PCSK2: variants seen among roughly 807,000 people sequenced by gnomAD.
PCSK2 encodes proprotein convertase subtilisin/kexin type 2.
In PCSK2, 14 loss-of-function variants were observed where a neutral mutation model predicts 69.7. The ratio of observed to expected loss-of-function variants is 0.20; its 90% confidence interval spans 0.13 to 0.31. The LOEUF (loss-of-function observed/expected upper bound fraction) is 0.31. Ranked by LOEUF, PCSK2 falls within the 10% of genes least tolerant of loss-of-function variation. The probability of loss-of-function intolerance (pLI) is 1.00; values close to 1 mark genes in which losing one functional copy is unlikely to be tolerated. For missense variants in PCSK2, 544 were observed against 842.5 expected (o/e 0.65, Z 4.39); for synonymous variants, 307 against 320.7 (o/e 0.96, Z 0.46).
At chr20:17,471,230 G>A (rs945371459) in intron 11 of PCSK2, among the ~76,000 whole-genome samples, 1 of 152,164 alleles carries the variant, frequency 6.6e-6, no homozygotes, top group African/African-American at 2.4e-5. Context: ...CATACATGTG[G>A]AATTTAAGGC....
Position 17,465,459 on chromosome 20 carries a change from G to A in PCSK2, c.1336G>A (p.Val446Ile), listed in dbSNP as rs1208716767. Residue 446 changes from valine (V) to isoleucine (I), a missense_variant, in exon 11 of 12, where the codon GTC (valine) becomes ATC (isoleucine). Coordinates refer to ENST00000262545, the MANE Select transcript of PCSK2 (RefSeq NM_002594.5). ...LEFNHLFGYG[V>I]LDAGAMVKMA... is the part of the protein sequence containing the mutation. ...ATTTAATCACCTCTTTGGCTACGGG[G>A]TCCTTGATGCAGGTGCCATGGTGAA... 5.0e-6 allele frequency: 8 copies of A among 1,614,014 alleles called. No individual in the cohort carries two copies. Among genetic ancestry groups the A allele is most frequent in the African/African-American group, 1.3e-5 (1 of 74,910 alleles).
intron 4 of PCSK2, 98 bp downstream of exon 4, chr20:17,360,738 G>A: frequency 2.8e-6 from 2 of 711,362 alleles, no homozygotes; most frequent in Non-Finnish European, 5.0e-6. Context: ...AACCAGAGAT[G>A]GAACAGCAAG....
intron 6 of PCSK2, among the ~76,000 whole-genome samples, chr20:17,421,266 T>C (rs898823689): frequency 6.4e-4 from 98 of 152,272 alleles, no homozygotes; most frequent in African/African-American, 2.3e-3. Flanking sequence ...TCTGCTCACT[T>C]CTCCAGAAAG....
intron 2 of PCSK2, among the ~76,000 whole-genome samples, chr20:17,306,868 G>A (rs1446187533): frequency 6.6e-6 from 1 of 152,146 alleles, no homozygotes; most frequent in East Asian, 1.9e-4. Flanking sequence ...TTAGGGGAAA[G>A]TTTCTCTTGA....
At position 17,422,088 on chromosome 20, in the gene PCSK2, T is replaced by C. The variant is rs138408692; in HGVS notation, c.621-7347T>C. On this transcript the variant is annotated intron_variant, in intron 6 of 11. Transcript: ENST00000262545. ...GGAAACATAGGCAAAAACAAAAGCATGGACATGAAAAGAACCAATTGCAGC... is the reference window on the plus strand; with the variant it reads ...GGAAACATAGGCAAAAACAAAAGCACGGACATGAAAAGAACCAATTGCAGC... Among the ~76,000 whole-genome samples, 75 of 152,174 alleles carry C rather than the reference T, an allele frequency of 4.9e-4. No homozygotes were observed. In the East Asian group the frequency reaches 0.013, roughly 26 times the overall value.
chr20:17,472,664 T>C (rs1000576660), intron 11 of PCSK2, among the ~76,000 whole-genome samples: 1 of 152,168 alleles, frequency 6.6e-6, no homozygotes, highest in East Asian at 1.9e-4. Flanking sequence ...CTGCCCAGGT[T>C]CAAGCAATTC....
intron 2 of PCSK2, among the ~76,000 whole-genome samples, chr20:17,273,941 G>C (rs1987959848): frequency 6.6e-6 from 1 of 152,106 alleles, no homozygotes; most frequent in South Asian, 2.1e-4. Flanking sequence ...CTACCCACTT[G>C]TAAATGCCTC....
intron 2 of PCSK2, among the ~76,000 whole-genome samples, chr20:17,357,361 C>G (rs908175890): frequency 1.3e-5 from 2 of 152,212 alleles, no homozygotes; most frequent in African/African-American, 4.8e-5. Flanking sequence ...TTTGTTGGCT[C>G]TCCATGCTGG....
At chr20:17,469,244 A>G (rs1232439237) in intron 11 of PCSK2, among the ~76,000 whole-genome samples, 1 of 152,238 alleles carries the variant, frequency 6.6e-6, no homozygotes, top group Admixed American at 6.5e-5. Flanking sequence ...TGTAAATGTG[A>G]GACTGGAAGT....
chr20:17,416,627 A>T (rs978636458), intron 6 of PCSK2, among the ~76,000 whole-genome samples: 3 of 151,888 alleles, frequency 2.0e-5, no homozygotes, highest in African/African-American at 7.2e-5. Context: ...TTCCTCAAGG[A>T]TCTAGAACTA....
chr20:17,244,918 G>A lies in PCSK2; in HGVS notation c.178-15322G>A, dbSNP rs567084955. 3.3e-5 allele frequency among the ~76,000 whole-genome samples: 5 copies of A among 152,252 alleles called. No homozygotes were observed. In the East Asian group the frequency reaches 9.7e-4, roughly 29 times the overall value. On this transcript the variant is annotated intron_variant, in intron 1 of 11. Coordinates refer to ENST00000262545, the MANE Select transcript of PCSK2 (RefSeq NM_002594.5). ...ACGGGCGGTGGCCTCTTCCTGCCCAGCCTCACATTTCTTGCCAGATCCTCG... is the reference window on the plus strand; with the variant it reads ...ACGGGCGGTGGCCTCTTCCTGCCCAACCTCACATTTCTTGCCAGATCCTCG...
chr20:17,386,194 T>C (rs1263249227), intron 5 of PCSK2, among the ~76,000 whole-genome samples: 1 of 152,218 alleles, frequency 6.6e-6, no homozygotes, highest in East Asian at 1.9e-4. Flanking sequence ...ATGTATGTAC[T>C]ACTATCAATG....
chr20:17,303,575 A>C (rs1989228331), intron 2 of PCSK2, among the ~76,000 whole-genome samples: 1 of 112,692 alleles, frequency 8.9e-6, no homozygotes, highest in Non-Finnish European at 1.7e-5. Flanking sequence ...TAATATATTA[A>C]AAATATATAC....
In PCSK2 at chr20:17,429,399, A is replaced by G. The variant is rs2032318355; in HGVS notation, c.621-36A>G. 4 of 1,525,798 alleles carry G rather than the reference A, an allele frequency of 2.6e-6. No individual in the cohort carries two copies. In the East Asian group the frequency reaches 9.0e-5, roughly 34 times the overall value. 94.5% of individuals were successfully genotyped at this position (1,525,798 alleles called of 1,614,324 possible). A position where few individuals can be genotyped will look rare whatever the true frequency, so the allele number is the denominator to read the frequency against. On this transcript the variant is annotated intron_variant, in intron 6 of 11. Transcript: ENST00000262545. ...TGAGAGATCTAGCCAAATTCGTTTC[A>G]CTGCATATCTAATGTGTCTTTATAT...
At chr20:17,294,098 CTTTTTTTTTT>C (rs34805695) in intron 2 of PCSK2, among the ~76,000 whole-genome samples, 2 of 73,978 alleles carry the variant, frequency 2.7e-5, no homozygotes, top group African/African-American at 1.1e-4. Context: ...AAAGTATTTT[CTTTTTTTTTT>C]TTTTTTTTTT....
At chr20:17,326,403 T>C (rs2123142546) in intron 2 of PCSK2, among the ~76,000 whole-genome samples, 1 of 152,274 alleles carries the variant, frequency 6.6e-6, no homozygotes, top group South Asian at 2.1e-4. Context: ...AAAAGTAATA[T>C]GGAATCCTAG....
At position 17,227,437 on chromosome 20, in the gene PCSK2, C is replaced by G; in HGVS notation, c.132C>G (p.Asp44Glu). Reference sequence around the variant, plus strand: ...TGGAGTTGCATAAAGGGGGAGAGGACAAAGCTCGCCAAGTTGCAGCAGAAC... The same window carrying G: ...TGGAGTTGCATAAAGGGGGAGAGGAGAAAGCTCGCCAAGTTGCAGCAGAAC... ...FLVELHKGGE[D>E]KARQVAAEHG... The change falls in exon 1 of 12, where the codon GAC becomes GAG. Residue 44 changes from aspartate to glutamate, a missense_variant. Asp to Glu is a conservative substitution (Grantham distance 45). Transcript: ENST00000262545. The G allele has an allele frequency of 6.2e-7, 1 of 1,613,926 alleles. No homozygotes were observed. Among genetic ancestry groups the G allele is most frequent in the African/African-American group, 1.3e-5 (1 of 74,984 alleles).
chr20:17,340,485 G>A (rs1207103340), intron 2 of PCSK2, among the ~76,000 whole-genome samples: 1 of 152,044 alleles, frequency 6.6e-6, no homozygotes, highest in Non-Finnish European at 1.5e-5. Context: ...GTTTTGTGCT[G>A]GGCATCCTCT....
chr20:17,391,390 T>TA (rs978166317), intron 5 of PCSK2, among the ~76,000 whole-genome samples: 23 of 151,870 alleles, frequency 1.5e-4, no homozygotes, highest in African/African-American at 4.6e-4. Flanking sequence ...ACACATGATT[T>TA]AAAAAAAATA....
Sources: allele counts gnomAD v4.1 joint callset (sites outside exome capture counted in the v4.1 genomes callset), GRCh38; gene constraint gnomAD v4.1.1; transcripts MANE v1.5; gene names NCBI Gene and HGNC (gene_info 2026-07-23, HGNC 2026-07-21).